Variants in USP22 observed in about 807,000 individuals in gnomAD.
USP22 encodes ubiquitin carboxyl-terminal hydrolase 22.
A neutral mutation model predicts 68.1 loss-of-function variants in USP22; 22 were observed. That is an observed-to-expected ratio of 0.32 (90% CI 0.23 to 0.46). The LOEUF (loss-of-function observed/expected upper bound fraction) is 0.46. USP22 is among the 20% of genes least tolerant of loss of function. The pLI is 1.00. For missense variants in USP22, 433 were observed against 695.8 expected (o/e 0.62, Z 4.25); for synonymous variants, 279 against 274.2 (o/e 1.02, Z -0.17).
At chr17:21,017,451 G>C (rs1972101607) in intron 5 of USP22, among the ~76,000 whole-genome samples, 2 of 152,270 alleles carry the variant, frequency 1.3e-5, no homozygotes, top group African/African-American at 4.8e-5. Flanking sequence ...GCCGGGGACA[G>C]AAGTGGACAG....
chr17:21,004,834 G>A, intron 11 of USP22, 94 bp downstream of exon 11: 1 of 1,434,696 alleles, frequency 7.0e-7, no homozygotes. Context: ...GTCAGTGGCG[G>A]GGGATCCGCT....
chr17:21,028,704 G>A (rs773239254), intron 1 of USP22, 30 bp from the exon 2 acceptor site: 10 of 1,609,432 alleles, frequency 6.2e-6, no homozygotes, highest in African/African-American at 2.7e-5. Flanking sequence ...AGGAGTGAAC[G>A]CTGTGTGATA....
At chr17:21,020,420 G>A (rs1972142614) in intron 3 of USP22, among the ~76,000 whole-genome samples, 1 of 151,938 alleles carries the variant, frequency 6.6e-6, no homozygotes, top group Non-Finnish European at 1.5e-5. Context: ...CGAGAGCCGT[G>A]AGGGCAGCTC....
intron 8 of USP22, among the ~76,000 whole-genome samples, chr17:21,010,332 G>A (rs1913915733): frequency 6.6e-6 from 1 of 152,130 alleles, no homozygotes; most frequent in Non-Finnish European, 1.5e-5. Flanking sequence ...CAAATTTTAG[G>A]AAGGTTTTCT....
intron 1 of USP22, among the ~76,000 whole-genome samples, chr17:21,031,297 C>CT (rs1972288051): frequency 6.6e-6 from 1 of 152,180 alleles, no homozygotes; most frequent in Non-Finnish European, 1.5e-5. Context: ...AAAGAATAAA[C>CT]TATACTACAG....
At chr17:21,027,252 CACTCCAGCCTGG>C (rs1330618154) in intron 2 of USP22, among the ~76,000 whole-genome samples, 1 of 131,938 alleles carries the variant, frequency 7.6e-6, no homozygotes, top group Non-Finnish European at 1.6e-5. Context: ...CGCGCCACTG[CACTCCAGCCTGG>C]ACTCCAGACA....
intron 11 of USP22, 63 bp from the exon 12 acceptor site, chr17:21,004,414 A>G: frequency 6.3e-7 from 1 of 1,588,686 alleles, no homozygotes. Context: ...TGAGGTCATC[A>G]CCATCAGAAA....
chr17:21,043,044 G>T (rs904548499), upstream of USP22: 2 of 258,200 alleles, frequency 7.7e-6, no homozygotes, highest in African/African-American at 2.3e-5. Flanking sequence ...GGCTGCTGCG[G>T]ACCGCCTGCG....
chr17:21,007,469 G>A (rs1913815509), intron 9 of USP22, among the ~76,000 whole-genome samples: 1 of 152,180 alleles, frequency 6.6e-6, no homozygotes, highest in Non-Finnish European at 1.5e-5. Context: ...AGCCTGTGGA[G>A]CTCGACATCT....
chr17:21,015,262 A>G (rs925380185), intron 6 of USP22, among the ~76,000 whole-genome samples: 6 of 152,188 alleles, frequency 3.9e-5, no homozygotes, highest in Non-Finnish European at 7.3e-5. Context: ...CCCAGGTCCA[A>G]TGAGACCCCA....
intron 4 of USP22, 51 bp from the exon 5 acceptor site, chr17:21,018,162 GT>G: frequency 6.7e-7 from 1 of 1,497,928 alleles, no homozygotes; most frequent in Non-Finnish European, 8.9e-7. Flanking sequence ...TGAACCACAG[GT>G]GTCGCTGGAT....
In USP22 at chr17:21,013,981, G is replaced by A. The variant is rs190654491; in HGVS notation, c.839-1046C>T. The stretch of plus-strand genomic sequence containing the variant: ...CCCAGCTACTCAGGAGGCTGAGGCA[G>A]AAGAATCACTTGAACCTGGGAGGCG... On this transcript the variant is annotated intron_variant, in intron 6 of 12. Coordinates refer to ENST00000261497, the MANE Select transcript of USP22 (RefSeq NM_015276.2). Among the ~76,000 whole-genome samples, 52 of 152,370 alleles carry A rather than the reference G, an allele frequency of 3.4e-4. 2 individuals carry two copies. Among genetic ancestry groups the A allele is most frequent in the African/African-American group, 1.2e-3 (50 of 41,588 alleles).
intron 1 of USP22, among the ~76,000 whole-genome samples, chr17:21,031,693 C>T (rs2143625386): frequency 6.6e-6 from 1 of 151,006 alleles, no homozygotes; most frequent in African/African-American, 2.4e-5. Context: ...TCTCTCTCTA[C>T]TACACAACCT....
rs187305741 is a variant in USP22 at position 21,026,325 on chromosome 17, C to T, written c.304+2217G>A. On this transcript the variant is annotated intron_variant, in intron 2 of 12. Coordinates refer to ENST00000261497, the MANE Select transcript of USP22 (RefSeq NM_015276.2). ...AGGTATGTTTTGCCTTAAATCGTCT[C>T]ACTTCTTTTTTACTTTATTTTTTTG... 6.6e-5 allele frequency among the ~76,000 whole-genome samples: 10 copies of T among 152,202 alleles called. No individual in the cohort carries two copies. In the East Asian group the frequency reaches 1.9e-3, roughly 29 times the overall value.
intron 9 of USP22, 95 bp downstream of exon 9, chr17:21,007,775 A>G (rs978082104): frequency 3.2e-5 from 48 of 1,484,702 alleles, no homozygotes; most frequent in Non-Finnish European, 4.3e-5. Flanking sequence ...TGCAATTATA[A>G]AAAATGTAAC....
Position 21,015,988 on chromosome 17 carries a change from C to T in USP22, c.691-89G>A, listed in dbSNP as rs1408088183. 9 of 1,439,794 alleles carry T rather than the reference C, an allele frequency of 6.3e-6. No individual in the cohort carries two copies. In the South Asian group the frequency reaches 9.9e-5, roughly 16 times the overall value. The allele number at this position is 1,439,794 out of a possible 1,614,324, so 89.2% of individuals were successfully genotyped here. On this transcript the variant is annotated intron_variant, in intron 5 of 12. Coordinates refer to ENST00000261497, the MANE Select transcript of USP22 (RefSeq NM_015276.2). ...CACAATCAAAACCTTTATCAGATGC[C>T]TACCATTGGCTGTGGCTCATTTGAC... is the stretch of plus-strand genomic sequence containing the variant.
At chr17:21,009,657 T>C (rs957690734) in intron 8 of USP22, among the ~76,000 whole-genome samples, 2 of 150,800 alleles carry the variant, frequency 1.3e-5, no homozygotes, top group African/African-American at 4.9e-5. Flanking sequence ...AGACTTTCTT[T>C]AAAAAGGTTT....
Position 21,001,398 on chromosome 17 carries a change from C to T in USP22, c.*1633G>A, listed in dbSNP as rs1913572348. 1 of 152,178 alleles carries T rather than the reference C, an allele frequency of 6.6e-6. No individual in the cohort carries two copies. The highest frequency in any genetic ancestry group is 6.5e-5 in the Admixed American group (1 of 15,270). 9.4% of individuals were successfully genotyped at this position (152,178 alleles called of 1,614,324 possible). A position where few individuals can be genotyped will look rare whatever the true frequency, so the allele number is the denominator to read the frequency against. The stretch of plus-strand genomic sequence containing the variant: ...GCCAGCTAAGGAGCTGGGTCTGGTC[C>T]CCACCAGCTTCTCCATGGCCTGTGA... On this transcript the variant is annotated 3_prime_UTR_variant, in exon 13 of 13. Transcript: ENST00000261497.
intron 8 of USP22, among the ~76,000 whole-genome samples, chr17:21,008,718 G>A (rs970444853): frequency 1.3e-5 from 2 of 152,058 alleles, no homozygotes; most frequent in Non-Finnish European, 2.9e-5. Context: ...TCGGGGGACC[G>A]GGGTAAAGGG....
Sources: gnomAD v4.1 joint callset for allele counts (sites outside exome capture counted in the v4.1 genomes callset) on GRCh38, gnomAD v4.1.1 for gene constraint, MANE v1.5 for transcripts, NCBI Gene and HGNC (gene_info 2026-07-23, HGNC 2026-07-21) for gene names.